The following DLGAP2 variants were observed in gnomAD, a reference collection of about 807,000 sequenced individuals.
DLGAP2 encodes disks large-associated protein 2.
DLGAP2 carries 26 observed loss-of-function variants against 100.3 expected under a neutral mutation model. That is an observed-to-expected ratio of 0.26 (90% CI 0.19 to 0.36). DLGAP2 has a LOEUF of 0.36. DLGAP2 is among the 10% of genes least tolerant of loss of function. The pLI, the probability that DLGAP2 is intolerant of heterozygous loss-of-function variation, is 1.00. For synonymous variants in DLGAP2, 886 were observed against 630.1 expected, an observed-to-expected ratio of 1.41 and a Z score of -6.08; for missense variants, 1,858 against 1,453.2, an observed-to-expected ratio of 1.28 and a Z score of -4.53.
At chr8:1,240,895 CGTGTCTAGTTCTCTCACATGGCACT>C (rs1158567111) in intron 2 of DLGAP2, among the ~76,000 whole-genome samples, 1 of 7,734 alleles carries the variant, frequency 1.3e-4, no homozygotes, top group African/African-American at 8.7e-4. Flanking sequence ...CACAGAGTAT[CGTGTCTAGTTCTCTCACATGGCACT>C]GTGTCTAGTT....
chr8:1,028,871 G>A (rs918334180), intron 2 of DLGAP2, among the ~76,000 whole-genome samples: 5 of 152,202 alleles, frequency 3.3e-5, no homozygotes, highest in Non-Finnish European at 7.3e-5. Context: ...CTGGAGGGAG[G>A]ACAATGGCGG....
intron 2 of DLGAP2, among the ~76,000 whole-genome samples, chr8:1,008,227 T>C (rs1287539958): frequency 1.3e-5 from 2 of 152,228 alleles, no homozygotes; most frequent in Non-Finnish European, 2.9e-5. Flanking sequence ...AGTTATTACG[T>C]AGAACAAATG....
At chr8:1,691,129 G>T (rs1186729117) in intron 12 of DLGAP2, among the ~76,000 whole-genome samples, 1 of 152,166 alleles carries the variant, frequency 6.6e-6, no homozygotes, top group African/African-American at 2.4e-5. Context: ...ACATCTAAAA[G>T]AGTTCACTAA....
At chr8:849,845 A>G (rs1360004239) in intron 1 of DLGAP2, among the ~76,000 whole-genome samples, 2 of 152,124 alleles carry the variant, frequency 1.3e-5, no homozygotes, top group East Asian at 1.9e-4. Flanking sequence ...TGGGAGGCCA[A>G]GGTGGGCCAG....
chr8:1,670,764 G>C (rs1225050018), intron 10 of DLGAP2, among the ~76,000 whole-genome samples: 1 of 152,202 alleles, frequency 6.6e-6, no homozygotes, highest in Non-Finnish European at 1.5e-5. Context: ...TCCAAAGGAA[G>C]TGAATTGAAA....
intron 1 of DLGAP2, among the ~76,000 whole-genome samples, chr8:811,271 C>G (rs931098228): frequency 6.6e-6 from 1 of 152,252 alleles, no homozygotes; most frequent in African/African-American, 2.4e-5. Flanking sequence ...GATTGCTCCC[C>G]TTCCTGGGAA....
chr8:1,414,231 A>C (rs1796815408), intron 3 of DLGAP2, among the ~76,000 whole-genome samples: 1 of 152,318 alleles, frequency 6.6e-6, no homozygotes. Flanking sequence ...GGAAACTGGA[A>C]TGGCAGGGGT....
At chr8:1,392,600 T>A (rs542816923) in intron 3 of DLGAP2, among the ~76,000 whole-genome samples, 239 of 152,332 alleles carry the variant, frequency 1.6e-3, no homozygotes, top group African/African-American at 5.4e-3. Flanking sequence ...ATATTAACTT[T>A]GCATTTTAAC....
At chr8:1,437,445 T>C (rs1797677757) in intron 3 of DLGAP2, among the ~76,000 whole-genome samples, 1 of 152,232 alleles carries the variant, frequency 6.6e-6, no homozygotes, top group African/African-American at 2.4e-5. Flanking sequence ...CACTGGTTTG[T>C]AGCGTAAGAC....
At chr8:826,909 T>C (rs1481913119) in intron 1 of DLGAP2, among the ~76,000 whole-genome samples, 1 of 152,222 alleles carries the variant, frequency 6.6e-6, no homozygotes, top group African/African-American at 2.4e-5. Context: ...AATGTTTTTG[T>C]AGAAACATCC....
rs151301452 is a variant in DLGAP2, at chr8:1,506,293, T to G, written c.172+4862T>G. ...TGTCATTTTATCGTCCATACTTATT[T>G]TCTTCAGGGAAATTTATAGAAATAG... is the stretch of plus-strand genomic sequence containing the variant. On this transcript the variant is annotated intron_variant, in intron 4 of 14. Coordinates refer to ENST00000637795, the MANE Select transcript of DLGAP2 (RefSeq NM_001346810.2). Among the ~76,000 whole-genome samples the G allele has an allele frequency of 3.0e-3, 463 of 152,358 alleles. 6 individuals are homozygous for G. The highest frequency in any genetic ancestry group is 0.01 in the African/African-American group (435 of 41,574).
intron 2 of DLGAP2, among the ~76,000 whole-genome samples, chr8:1,191,393 A>G (rs531599566): frequency 1.5e-4 from 23 of 152,106 alleles, no homozygotes; most frequent in African/African-American, 4.8e-4. Flanking sequence ...GATGGTCTTG[A>G]TCTCCTGACC....
chr8:976,222 A>T (rs1007144975), intron 2 of DLGAP2, among the ~76,000 whole-genome samples: 2 of 152,208 alleles, frequency 1.3e-5, no homozygotes, highest in Non-Finnish European at 2.9e-5. Context: ...AGTTGGAGGG[A>T]TGACTTCGAG....
chr8:965,716 C>T lies in DLGAP2; in HGVS notation c.73+57750C>T, dbSNP rs574594160. Among the ~76,000 whole-genome samples, 71 of 131,198 alleles carry T rather than the reference C, an allele frequency of 5.4e-4. 2 individuals carry two copies. Among genetic ancestry groups the T allele is most frequent in the African/African-American group, 1.4e-3 (51 of 35,410 alleles). The allele number at this position is 131,198 out of a possible 152,430, so 86.1% of individuals were successfully genotyped here. On this transcript the variant is annotated intron_variant, in intron 2 of 14. Transcript: ENST00000637795. ...TCACACGGCTCCTGAGCCCAACCCC[C>T]GCGTGCACACGGCACTGTTCACCTC...
At chr8:1,288,583 G>C (rs1328880264) in intron 3 of DLGAP2, among the ~76,000 whole-genome samples, 3 of 74,798 alleles carry the variant, frequency 4.0e-5, no homozygotes, top group African/African-American at 1.8e-4. Flanking sequence ...ACTAGTTTCA[G>C]TTGAGTGTGT....
chr8:1,388,856 G>A, intron 3 of DLGAP2, among the ~76,000 whole-genome samples: 1 of 129,824 alleles, frequency 7.7e-6, no homozygotes, highest in Admixed American at 7.5e-5. Context: ...GGCTGTGAGA[G>A]CAGAGGCCGT....
intron 1 of DLGAP2, among the ~76,000 whole-genome samples, chr8:851,323 C>G (rs2128987702): frequency 6.6e-6 from 1 of 152,312 alleles, no homozygotes; most frequent in South Asian, 2.1e-4. Context: ...TGACGCATGT[C>G]TCAGGACGTA....
At chr8:856,558 T>C (rs1320006766) in intron 1 of DLGAP2, among the ~76,000 whole-genome samples, 1 of 152,156 alleles carries the variant, frequency 6.6e-6, no homozygotes, top group Non-Finnish European at 1.5e-5. Context: ...TATGCAAAGG[T>C]CAGTTACTTC....
chr8:1,037,731 C>G (rs1202570032), intron 2 of DLGAP2, among the ~76,000 whole-genome samples: 1 of 152,220 alleles, frequency 6.6e-6, no homozygotes, highest in South Asian at 2.1e-4. Context: ...ACCCAGCCCC[C>G]TTTTAGCCGC....
Sources: gnomAD v4.1 joint callset for allele counts (sites outside exome capture counted in the v4.1 genomes callset) on GRCh38, gnomAD v4.1.1 for gene constraint, MANE v1.5 for transcripts, NCBI Gene and HGNC (gene_info 2026-07-23, HGNC 2026-07-21) for gene names.